Variants in SPECC1L observed in about 807,000 individuals in gnomAD.
The protein encoded by SPECC1L is sperm antigen with calponin homology and coiled-coil domains 1 like.
In SPECC1L, 40 loss-of-function variants were observed where a neutral mutation model predicts 116.8. The observed-to-expected ratio is 0.34, with a 90% CI of 0.27 to 0.45. The LOEUF is 0.45. SPECC1L is among the 20% of genes least tolerant of loss of function. The pLI is 1.00. For synonymous variants in SPECC1L, 504 were observed against 500.6 expected, an observed-to-expected ratio of 1.01 and a Z score of -0.09; for missense variants, 1,110 against 1,373.6, an observed-to-expected ratio of 0.81 and a Z score of 3.03.
At chr22:24,386,123 A>T (rs1403568023) in intron 14 of SPECC1L, among the ~76,000 whole-genome samples, 1 of 152,100 alleles carries the variant, frequency 6.6e-6, no homozygotes. Context: ...TTTCAAAAAA[A>T]AAAAAGCCCC....
At chr22:24,289,697 C>CTTT (rs74338225) in intron 2 of SPECC1L, among the ~76,000 whole-genome samples, 1 of 139,822 alleles carries the variant, frequency 7.2e-6, no homozygotes, top group East Asian at 2.1e-4. Flanking sequence ...TAACTACCTC[C>CTTT]TTTTTTTTTT....
chr22:24,377,325 C>T lies in SPECC1L; in HGVS notation c.3087+8005C>T, dbSNP rs189490533. On this transcript the variant is annotated intron_variant, in intron 14 of 16. Transcript: ENST00000314328. ...GTCACTGTTAAGAACTTTTTTTTTT[C>T]GACATGAGGTCTCACTATGTTTCCC... is the stretch of plus-strand genomic sequence containing the variant. 4.2e-4 allele frequency among the ~76,000 whole-genome samples: 64 copies of T among 150,590 alleles called. 1 individual carries two copies. The East Asian group carries it at 9.9e-3, about 23-fold the overall frequency.
chr22:24,282,149 G>A (rs2048956150), intron 2 of SPECC1L, among the ~76,000 whole-genome samples: 1 of 152,226 alleles, frequency 6.6e-6, no homozygotes, highest in Admixed American at 6.5e-5. Context: ...AATCGATCTG[G>A]ATGGTGCCAG....
intron 12 of SPECC1L, among the ~76,000 whole-genome samples, chr22:24,364,534 G>A (rs1224195477): frequency 6.6e-6 from 1 of 151,862 alleles, no homozygotes. Context: ...ATGGTGGCAG[G>A]CGCCTGTAAT....
chr22:24,302,483 C>T, intron 3 of SPECC1L, 99 bp downstream of exon 3: 1 of 1,477,434 alleles, frequency 6.8e-7, no homozygotes, highest in Middle Eastern at 1.9e-4. Flanking sequence ...GGTGTGCCCT[C>T]TTCTGGTGCT....
intron 4 of SPECC1L, among the ~76,000 whole-genome samples, chr22:24,320,619 T>G (rs950431160): frequency 6.6e-6 from 1 of 152,234 alleles, no homozygotes; most frequent in Admixed American, 6.5e-5. Flanking sequence ...AGCACCTACC[T>G]CACGTCTTTA....
chr22:24,296,163 C>T (rs1193845299), intron 2 of SPECC1L, among the ~76,000 whole-genome samples: 3 of 152,108 alleles, frequency 2.0e-5, no homozygotes, highest in East Asian at 1.9e-4. Flanking sequence ...GAATTCAGAC[C>T]GTTGTTCCTC....
intron 2 of SPECC1L, among the ~76,000 whole-genome samples, chr22:24,279,935 C>T (rs2048910350): frequency 6.6e-6 from 1 of 152,254 alleles, no homozygotes; most frequent in Non-Finnish European, 1.5e-5. Flanking sequence ...TGTGAAGTGA[C>T]AAGTTCTCTT....
chr22:24,376,254 G>C (rs1295783528), intron 14 of SPECC1L, among the ~76,000 whole-genome samples: 1 of 152,094 alleles, frequency 6.6e-6, no homozygotes, highest in Non-Finnish European at 1.5e-5. Flanking sequence ...CAGACTTCTG[G>C]GCTCAAGTGG....
chr22:24,333,110 C>G (rs2040971458), intron 8 of SPECC1L, among the ~76,000 whole-genome samples: 1 of 152,086 alleles, frequency 6.6e-6, no homozygotes, highest in Non-Finnish European at 1.5e-5. Context: ...TGCCTGTAAT[C>G]CCAGCTACTC....
At chr22:24,301,259 C>A (rs1001506870) in intron 2 of SPECC1L, among the ~76,000 whole-genome samples, 1 of 152,152 alleles carries the variant, frequency 6.6e-6, no homozygotes, top group African/African-American at 2.4e-5. Context: ...GTAACTTAAA[C>A]AAATTTACAA....
chr22:24,293,202 T>G (rs1398122955), intron 2 of SPECC1L, among the ~76,000 whole-genome samples: 1 of 152,232 alleles, frequency 6.6e-6, no homozygotes, highest in Non-Finnish European at 1.5e-5. Context: ...ATGCCTGTAA[T>G]CTCAGCACTT....
chr22:24,396,019 G>A (rs1569447361), intron 14 of SPECC1L, among the ~76,000 whole-genome samples: 2 of 152,228 alleles, frequency 1.3e-5, no homozygotes, highest in South Asian at 4.1e-4. Context: ...AAGTTATCAA[G>A]TAAGGCAAGA....
At chr22:24,356,783 G>C (rs1469032963) in intron 11 of SPECC1L, among the ~76,000 whole-genome samples, 1 of 151,652 alleles carries the variant, frequency 6.6e-6, no homozygotes, top group Admixed American at 6.6e-5. Context: ...TTATTACTTT[G>C]TTTTATCTCT....
chr22:24,328,820 T>C (rs886971955), intron 6 of SPECC1L, 26 bp from the exon 7 acceptor site: 7 of 1,548,390 alleles, frequency 4.5e-6, no homozygotes, highest in East Asian at 2.2e-5. Flanking sequence ...TGAGAATAGA[T>C]ATTTAAACTT....
intron 14 of SPECC1L, among the ~76,000 whole-genome samples, chr22:24,406,704 C>A (rs1307156379): frequency 6.6e-6 from 1 of 152,124 alleles, no homozygotes; most frequent in Admixed American, 6.5e-5. Flanking sequence ...GATTTTGTGT[C>A]GTTTCATGTG....
Position 24,374,965 on chromosome 22 carries a change from C to T in SPECC1L, c.3087+5645C>T, listed in dbSNP as rs191467609. On this transcript the variant is annotated intron_variant, in intron 14 of 16. Coordinates refer to ENST00000314328, the MANE Select transcript of SPECC1L (RefSeq NM_015330.6). Reference sequence around the variant, plus strand: ...TCTAAGTAGATAGATAAAAAGAAAACGAAGACTAAAGTTACCAAAATCAGG... The same window carrying T: ...TCTAAGTAGATAGATAAAAAGAAAATGAAGACTAAAGTTACCAAAATCAGG... Among the ~76,000 whole-genome samples, 569 of 151,224 alleles carry T rather than the reference C, an allele frequency of 3.8e-3. 3 individuals carry two copies. Among genetic ancestry groups the T allele is most frequent in the Non-Finnish European group, 5.0e-3 (338 of 67,768 alleles).
chr22:24,285,845 T>G (rs2146350641), intron 2 of SPECC1L, among the ~76,000 whole-genome samples: 1 of 152,310 alleles, frequency 6.6e-6, no homozygotes, highest in African/African-American at 2.4e-5. Flanking sequence ...TTTCACTATG[T>G]TGGCCAGGCT....
At chr22:24,347,207 T>C (rs1387287531) in intron 11 of SPECC1L, 31 bp downstream of exon 11, 1 of 1,551,736 alleles carries the variant, frequency 6.4e-7, no homozygotes, top group Non-Finnish European at 8.9e-7. Flanking sequence ...CATTTCACCT[T>C]TTTTTCAATT....
Sources: allele counts gnomAD v4.1 joint callset (sites outside exome capture counted in the v4.1 genomes callset), GRCh38; gene constraint gnomAD v4.1.1; transcripts MANE v1.5; gene names NCBI Gene and HGNC (gene_info 2026-07-23, HGNC 2026-07-21).